Variants in C16orf74 observed in about 807,000 individuals in gnomAD.
The protein encoded by C16orf74 is uncharacterized protein C16orf74.
A neutral mutation model predicts 6.5 loss-of-function variants in C16orf74; 10 were observed. That is an observed-to-expected ratio of 1.54 (90% CI 0.95 to 2.61). The LOEUF (loss-of-function observed/expected upper bound fraction) is 2.61. Ranked by LOEUF, C16orf74 falls within the 30% of genes most tolerant of loss-of-function variation. The pLI is 0.00. For synonymous variants in C16orf74, 60 were observed against 42.5 expected, an observed-to-expected ratio of 1.41 and a Z score of -1.60; for missense variants, 141 against 105.9, an observed-to-expected ratio of 1.33 and a Z score of -1.45.
chr16:85,719,213 T>G (rs1179707220), intron 2 of C16orf74, among the ~76,000 whole-genome samples: 2 of 152,238 alleles, frequency 1.3e-5, no homozygotes, highest in African/African-American at 4.8e-5. Context: ...GTGCACCTGC[T>G]GTGTGCCCTG....
rs111770376 is a variant in C16orf74, at chr16:85,734,479, A to G, written c.28+711T>C. The stretch of plus-strand genomic sequence containing the variant: ...GGTAGGTGGCCCCGGGGCAGGCTAG[A>G]AGCTTGGCACTCACACCACTGGCCA... On this transcript the variant is annotated intron_variant, in intron 2 of 3. Coordinates refer to ENST00000284245, the MANE Select transcript of C16orf74 (RefSeq NM_206967.3). Among the ~76,000 whole-genome samples the G allele has an allele frequency of 5.3e-3, 802 of 152,074 alleles. 11 individuals are homozygous for G. The highest frequency in any genetic ancestry group is 0.018 in the African/African-American group (749 of 41,430).
At chr16:85,728,115 G>T (rs1412893111) in intron 2 of C16orf74, among the ~76,000 whole-genome samples, 2 of 152,108 alleles carry the variant, frequency 1.3e-5, no homozygotes, top group Non-Finnish European at 2.9e-5. Flanking sequence ...TCCAGCCTGA[G>T]CAACAGAGGG....
chr16:85,741,157 C>A (rs538506243), intron 1 of C16orf74, among the ~76,000 whole-genome samples: 1 of 152,316 alleles, frequency 6.6e-6, no homozygotes, highest in South Asian at 2.1e-4. Context: ...CATGGTCTCC[C>A]AGGGCAGGAT....
At chr16:85,750,666 G>T (rs1409142155) in intron 1 of C16orf74, among the ~76,000 whole-genome samples, 2 of 152,160 alleles carry the variant, frequency 1.3e-5, no homozygotes, top group Admixed American at 6.5e-5. Context: ...TTCCGCGCGG[G>T]GTCACACCCC....
intron 2 of C16orf74, among the ~76,000 whole-genome samples, chr16:85,732,961 G>A (rs2054205823): frequency 6.6e-6 from 1 of 152,206 alleles, no homozygotes; most frequent in Non-Finnish European, 1.5e-5. Context: ...TTTCACTCGT[G>A]AGGGGCCGAG....
At chr16:85,710,514 C>T in intron 2 of C16orf74, 1 of 513,498 alleles carries the variant, frequency 1.9e-6, no homozygotes, top group Non-Finnish European at 3.4e-6. Context: ...TCTCACAGAA[C>T]CATGAGTCGG....
chr16:85,738,325 G>C (rs539083391), intron 1 of C16orf74, among the ~76,000 whole-genome samples: 44 of 116,692 alleles, frequency 3.8e-4, no homozygotes, highest in Middle Eastern at 4.9e-3. Context: ...CTGGCATTGG[G>C]ATTTTTTTTT....
rs561422888 is a variant in C16orf74 at position 85,731,291 on chromosome 16, T to C, written c.28+3899A>G. On this transcript the variant is annotated intron_variant, in intron 2 of 3. Coordinates refer to ENST00000284245, the MANE Select transcript of C16orf74 (RefSeq NM_206967.3). Reference sequence around the variant, plus strand: ...AACATGTGAGGCCCATTGTTCAATATGTATTAAGAGCATTAAACTGAGCAT... The same window carrying C: ...AACATGTGAGGCCCATTGTTCAATACGTATTAAGAGCATTAAACTGAGCAT... Among the ~76,000 whole-genome samples the C allele has an allele frequency of 2.6e-5, 4 of 152,366 alleles. No homozygotes were observed. In the South Asian group the frequency reaches 8.3e-4, roughly 32 times the overall value.
At chr16:85,740,630 T>C (rs956678638) in intron 1 of C16orf74, among the ~76,000 whole-genome samples, 1 of 148,934 alleles carries the variant, frequency 6.7e-6, no homozygotes, top group Non-Finnish European at 1.5e-5. Flanking sequence ...AGGCGGAGCT[T>C]GCAGGGAGCC....
chr16:85,715,317 C>G (rs560112773), intron 2 of C16orf74, among the ~76,000 whole-genome samples: 1 of 152,156 alleles, frequency 6.6e-6, no homozygotes, highest in Non-Finnish European at 1.5e-5. Context: ...CTACTGGGGC[C>G]GAGGCGTGCG....
intron 1 of C16orf74, among the ~76,000 whole-genome samples, chr16:85,742,737 T>C (rs112630799): frequency 0.048 from 7,303 of 152,114 alleles, 613 homozygotes; most frequent in African/African-American, 0.17. Flanking sequence ...GATGGGGTTT[T>C]TCCATGTTAA....
chr16:85,746,617 G>C (rs1015686794), intron 1 of C16orf74, among the ~76,000 whole-genome samples: 2 of 152,312 alleles, frequency 1.3e-5, no homozygotes, highest in South Asian at 2.1e-4. Context: ...CCTGGGAGGA[G>C]GACCCAGAAG....
rs191828208 is a variant in C16orf74, at chr16:85,715,076, G to A, written c.29-4769C>T. ...GGAGGCTGAGGCAGGAGAATGGCGTGAACCCGGGAGGCGGAGCTTGCAGTG... is the reference window on the plus strand; with the variant it reads ...GGAGGCTGAGGCAGGAGAATGGCGTAAACCCGGGAGGCGGAGCTTGCAGTG... On this transcript the variant is annotated intron_variant, in intron 2 of 3. Coordinates refer to ENST00000284245, the MANE Select transcript of C16orf74 (RefSeq NM_206967.3). 7.3e-3 allele frequency among the ~76,000 whole-genome samples: 1,096 copies of A among 150,890 alleles called. 14 individuals are homozygous for A. The highest frequency in any genetic ancestry group is 0.026 in the African/African-American group (1,060 of 40,998).
chr16:85,725,163 C>G (rs113827336), intron 2 of C16orf74, among the ~76,000 whole-genome samples: 30 of 152,302 alleles, frequency 2.0e-4, no homozygotes, highest in African/African-American at 7.0e-4. Context: ...TCTGCTCCCT[C>G]GTTTAAAACA....
At chr16:85,734,034 G>A (rs2054218593) in intron 2 of C16orf74, among the ~76,000 whole-genome samples, 1 of 152,210 alleles carries the variant, frequency 6.6e-6, no homozygotes, top group Non-Finnish European at 1.5e-5. Context: ...GCTCCCAGCA[G>A]GGGCCTTTTC....
chr16:85,709,315 C>T (rs113316608), intron 3 of C16orf74, among the ~76,000 whole-genome samples: 120 of 152,198 alleles, frequency 7.9e-4, no homozygotes, highest in African/African-American at 2.7e-3. Context: ...GAGTGCACCA[C>T]AGCACTCCAG....
At chr16:85,726,631 C>T (rs2054135921) in intron 2 of C16orf74, among the ~76,000 whole-genome samples, 1 of 152,172 alleles carries the variant, frequency 6.6e-6, no homozygotes, top group Admixed American at 6.5e-5. Flanking sequence ...TCAGCGGGGA[C>T]TGGATTCCAC....
chr16:85,749,212 T>C (rs1289941957), intron 1 of C16orf74, among the ~76,000 whole-genome samples: 1 of 152,194 alleles, frequency 6.6e-6, no homozygotes, highest in Non-Finnish European at 1.5e-5. Context: ...GGCCTTGCCA[T>C]TTTCCAGCCA....
At chr16:85,729,928 G>A (rs558683591) in intron 2 of C16orf74, among the ~76,000 whole-genome samples, 18 of 152,252 alleles carry the variant, frequency 1.2e-4, no homozygotes, top group African/African-American at 4.3e-4. Flanking sequence ...CCCCCAGCGT[G>A]GTCATTTGTC....
Sources: allele counts gnomAD v4.1 joint callset (sites outside exome capture counted in the v4.1 genomes callset), GRCh38; gene constraint gnomAD v4.1.1; transcripts MANE v1.5; gene names NCBI Gene and HGNC (gene_info 2026-07-23, HGNC 2026-07-21).